The following PPP1R15B variants were observed in gnomAD, a reference collection of about 807,000 sequenced individuals.
PPP1R15B encodes the protein protein phosphatase 1 regulatory subunit 15B.
In PPP1R15B, 31 loss-of-function variants were observed where a neutral mutation model predicts 53.9. The observed-to-expected ratio is 0.58, with a 90% confidence interval of 0.43 to 0.78. The LOEUF (loss-of-function observed/expected upper bound fraction) is 0.78, where lower values mean the gene tolerates loss of function less well. Among genes scored for constraint, PPP1R15B ranks in the 30% least tolerant of loss-of-function variants. PPP1R15B has a pLI of 0.00. For missense variants in PPP1R15B, 928 were observed against 849.6 expected, an observed-to-expected ratio of 1.09 and a Z score of -1.15; for synonymous variants, 345 against 329.1, an observed-to-expected ratio of 1.05 and a Z score of -0.52.
chr1:204,396,383 CAA>C (rs56077006), downstream of PPP1R15B, among the ~76,000 whole-genome samples: 2 of 136,380 alleles, frequency 1.5e-5, no homozygotes, highest in African/African-American at 5.6e-5. Context: ...AAAACAAAAA[CAA>C]AAAAAAAAAA....
rs770876375 is a variant in PPP1R15B at position 204,410,482 on chromosome 1, C to A, written c.930G>T (p.Gly310=). 141 of 1,614,058 alleles carry A rather than the reference C, an allele frequency of 8.7e-5. No individual in the cohort carries two copies. The highest frequency in any genetic ancestry group is 1.2e-4 in the Non-Finnish European group (136 of 1,180,048). The change falls in exon 1 of 2, where the codon GGG becomes GGT. Residue 310 remains glycine, a synonymous_variant. Transcript: ENST00000367188. ...RLEFLQQASK[G]QDLPTPDQDN... is the part of the protein sequence containing the mutation. ...CCTGGTCAGGGGTGGGTAAATCTTG[C>A]CCCTTGCTAGCCTGTTGAAGGAATT...
Position 204,411,546 on chromosome 1 carries a change from A to C in PPP1R15B, c.-135T>G, listed in dbSNP as rs1674380428. ...GCTGCTCCAGGCCGATCTTCGAGCC[A>C]GCAGAAAAGCCACAGAGGGCAGCGA... On this transcript the variant is annotated 5_prime_UTR_variant, in exon 1 of 2. Coordinates refer to ENST00000367188, the MANE Select transcript of PPP1R15B (RefSeq NM_032833.5). 12 of 1,244,816 alleles carry C rather than the reference A, an allele frequency of 9.6e-6. No homozygotes were observed. Among genetic ancestry groups the C allele is most frequent in the Non-Finnish European group, 1.3e-5 (12 of 903,094 alleles). 77.1% of individuals were successfully genotyped at this position (1,244,816 alleles called of 1,614,324 possible). A position where few individuals can be genotyped will look rare whatever the true frequency, so the allele number is the denominator to read the frequency against.
At position 204,405,082 on chromosome 1, in the gene PPP1R15B, T is replaced by G; in HGVS notation, c.*1010A>C. On this transcript the variant is annotated 3_prime_UTR_variant, in exon 2 of 2. Coordinates refer to ENST00000367188, the MANE Select transcript of PPP1R15B (RefSeq NM_032833.5). ...GAACTGCCCATTTCCAATTTTACAG[T>G]GGGATCCTGACAGGTTTTAAAAGTG... 1.0e-6 allele frequency: 1 copy of G among 985,780 alleles called. No individual in the cohort carries two copies. The allele number at this position is 985,780 out of a possible 1,614,324, so 61.1% of individuals were successfully genotyped here.
chr1:204,398,646 G>C (rs541210124), downstream of PPP1R15B, among the ~76,000 whole-genome samples: 22 of 152,278 alleles, frequency 1.4e-4, no homozygotes, highest in East Asian at 3.5e-3. Flanking sequence ...TACACATTGA[G>C]GGACCCACCT....
In PPP1R15B at chr1:204,410,853, G is replaced by C; in HGVS notation, c.559C>G (p.Pro187Ala). The change falls in exon 1 of 2, where the codon CCC becomes GCC. Residue 187 changes from proline to alanine, a missense_variant. Pro to Ala is a conservative substitution (Grantham distance 27, BLOSUM62 -1). Coordinates refer to ENST00000367188, the MANE Select transcript of PPP1R15B (RefSeq NM_032833.5). Reference protein sequence around the residue: ...EQQLWGVELLPSSLQSRLYSN... With the variant: ...EQQLWGVELLASSLQSRLYSN... ...TACAGACGGGATTGAAGGCTACTGG[G>C]CAACAGCTCCACTCCCCACAGCTGC... 1.2e-6 allele frequency: 2 copies of C among 1,614,198 alleles called. No homozygotes were observed. The highest frequency in any genetic ancestry group is 1.7e-6 in the Non-Finnish European group (2 of 1,180,044).
chr1:204,401,872 G>A (rs557778531), downstream of PPP1R15B, among the ~76,000 whole-genome samples: 6 of 152,310 alleles, frequency 3.9e-5, no homozygotes, highest in South Asian at 1.2e-3. Flanking sequence ...TGAGGCTACA[G>A]TGAGCCAAGA....
chr1:204,411,699 G>C lies in PPP1R15B; in HGVS notation c.-288C>G. The C allele has an allele frequency of 2.0e-6, 1 of 512,452 alleles. No homozygotes were observed. Among genetic ancestry groups the C allele is most frequent in the Non-Finnish European group, 3.5e-6 (1 of 287,374 alleles). The allele number at this position is 512,452 out of a possible 1,614,324, so 31.7% of individuals were successfully genotyped here. ...CGACGCTTCAACACCATGGATAGGA[G>C]TCCCCCCACGGCCTCGGCGATGGTT... On this transcript the variant is annotated 5_prime_UTR_variant, in exon 1 of 2. Transcript: ENST00000367188.
rs1307686249 is a variant in PPP1R15B at position 204,409,679 on chromosome 1, G to C, written c.1733C>G (p.Ser578Ter). 8 of 1,614,066 alleles carry C rather than the reference G, an allele frequency of 5.0e-6. No individual in the cohort carries two copies. Among genetic ancestry groups the C allele is most frequent in the Non-Finnish European group, 5.9e-6 (7 of 1,180,016 alleles). ...PLNFKAPFQT[S>*]GENEKGCRDS... The stretch of plus-strand genomic sequence containing the variant: ...ACGACAGCCTTTCTCATTTTCCCCT[G>C]ATGTTTGAAAAGGAGCCTTAAAATT... The change falls in exon 1 of 2, where the codon TCA becomes TGA. Residue 578 changes from serine (S) to a stop codon, truncating the protein, a stop_gained. Coordinates refer to ENST00000367188, the MANE Select transcript of PPP1R15B (RefSeq NM_032833.5). LOFTEE classifies it high-confidence loss of function.
Position 204,404,668 on chromosome 1 carries a change from T to C in PPP1R15B, c.*1424A>G. On this transcript the variant is annotated 3_prime_UTR_variant, in exon 2 of 2. Coordinates refer to ENST00000367188, the MANE Select transcript of PPP1R15B (RefSeq NM_032833.5). ...ATTGTAAACTGAGGTAGTAACCCTG[T>C]AAGCACTTCTGATGAAAAATTCATC... 16 of 985,818 alleles carry C rather than the reference T, an allele frequency of 1.6e-5. No homozygotes were observed. The highest frequency in any genetic ancestry group is 1.9e-5 in the Non-Finnish European group (16 of 829,900). 61.1% of individuals were successfully genotyped at this position (985,818 alleles called of 1,614,324 possible).
At chr1:204,399,352 A>G (rs3014623), downstream of PPP1R15B, among the ~76,000 whole-genome samples, 115,252 of 152,122 alleles carry the variant, frequency 0.76, 44,647 homozygotes, top group Non-Finnish European at 0.85. Context: ...CATGAGCCCA[A>G]GAGTTCGAGA....
Position 204,405,228 on chromosome 1 carries a change from TAAAA to T in PPP1R15B, c.*860_*863del. 6.1e-6 allele frequency: 6 copies of T among 979,892 alleles called. No individual in the cohort carries two copies. Among genetic ancestry groups the T allele is most frequent in the Non-Finnish European group, 7.3e-6 (6 of 824,484 alleles). 60.7% of individuals were successfully genotyped at this position (979,892 alleles called of 1,614,324 possible). A position where few individuals can be genotyped will look rare whatever the true frequency, so the allele number is the denominator to read the frequency against. ...TAGGAAATTTCTAGGCTTTTAAGTT[TAAAA>T]AATAAATGATTATGATGTAATTATT... is the stretch of plus-strand genomic sequence containing the variant. On this transcript the variant is annotated 3_prime_UTR_variant, in exon 2 of 2. Transcript: ENST00000367188.
chr1:204,402,542 G>A (rs111227147), downstream of PPP1R15B, among the ~76,000 whole-genome samples: 16 of 152,032 alleles, frequency 1.1e-4, no homozygotes, highest in African/African-American at 3.4e-4. Context: ...CCAGTAACTG[G>A]GTCTATAGGC....
chr1:204,399,315 C>A (rs1019519852), downstream of PPP1R15B, among the ~76,000 whole-genome samples: 1 of 152,288 alleles, frequency 6.6e-6, no homozygotes, highest in Admixed American at 6.5e-5. Flanking sequence ...ATAATCCCAG[C>A]ATTTTGGGAG....
In PPP1R15B at chr1:204,406,201, T is replaced by C. The variant is rs1325028806; in HGVS notation, c.2033A>G (p.Glu678Gly). ...GCAATATCCAATAGCATCTTCTGTT[T>C]CTTGAATTCGTTTCTGGAACCTGCA... ...DGCRFQKRIQETEDAIGYCLT... is the reference protein window; with the variant it reads ...DGCRFQKRIQGTEDAIGYCLT... Residue 678 changes from glutamate (E) to glycine (G), a missense_variant, in exon 2 of 2, where the codon GAA (glutamate) becomes GGA (glycine). Glu to Gly is a moderately conservative substitution (Grantham distance 98). Transcript: ENST00000367188. 6 of 1,614,190 alleles carry C rather than the reference T, an allele frequency of 3.7e-6. No individual in the cohort carries two copies. The highest frequency in any genetic ancestry group is 4.2e-6 in the Non-Finnish European group (5 of 1,180,026).
In PPP1R15B at chr1:204,404,238, C is replaced by CT; in HGVS notation, c.*1853dup. On this transcript the variant is annotated 3_prime_UTR_variant, in exon 2 of 2. Coordinates refer to ENST00000367188, the MANE Select transcript of PPP1R15B (RefSeq NM_032833.5). ...GCACAAAACACACAGAATCCCAGCA[C>CT]TTTGAGAGGCCGAGGCGGGCGGATC... is the stretch of plus-strand genomic sequence containing the variant. The CT allele has an allele frequency of 4.1e-6, 4 of 984,968 alleles. No homozygotes were observed. Among genetic ancestry groups the CT allele is most frequent in the Non-Finnish European group, 4.8e-6 (4 of 829,608 alleles). The allele number at this position is 984,968 out of a possible 1,614,324, so 61.0% of individuals were successfully genotyped here. A position where few individuals can be genotyped will look rare whatever the true frequency, so the allele number is the denominator to read the frequency against.
chr1:204,396,353 CAAAAAA>C (rs1448025124), downstream of PPP1R15B, among the ~76,000 whole-genome samples: 1 of 60,750 alleles, frequency 1.6e-5, no homozygotes, highest in Non-Finnish European at 3.3e-5. Context: ...ACTAAAAATA[CAAAAAA>C]AAAAAAAAAA....
At chr1:204,406,465 A>G in intron 1 of PPP1R15B, 152 bp from the exon 2 acceptor site, 1 of 1,243,410 alleles carries the variant, frequency 8.0e-7, no homozygotes, top group South Asian at 1.6e-5. Context: ...CTATATTTGA[A>G]GTTAAAAAAA....
Position 204,406,315 on chromosome 1 carries a change from T to C in PPP1R15B, c.1921-2A>G. 1 of 1,613,440 alleles carries C rather than the reference T, an allele frequency of 6.2e-7. No individual in the cohort carries two copies. Among genetic ancestry groups the C allele is most frequent in the Non-Finnish European group, 8.5e-7 (1 of 1,179,636 alleles). On this transcript the variant is annotated splice_acceptor_variant, in intron 1 of 1. Coordinates refer to ENST00000367188, the MANE Select transcript of PPP1R15B (RefSeq NM_032833.5). LOFTEE classifies it high-confidence loss of function. ...AGTAACTTCTTCAAGGAAGGTTACC[T>C]ACAAAAACAAAGACTAATTTTAATA...
chr1:204,410,362 A>G lies in PPP1R15B; in HGVS notation c.1050T>C (p.Ala350=). 1 of 1,614,184 alleles carries G rather than the reference A, an allele frequency of 6.2e-7. No homozygotes were observed. Among genetic ancestry groups the G allele is most frequent in the Non-Finnish European group, 8.5e-7 (1 of 1,180,022 alleles). Residue 350 remains alanine, a synonymous_variant, in exon 1 of 2, where the codon GCT becomes GCC. Coordinates refer to ENST00000367188, the MANE Select transcript of PPP1R15B (RefSeq NM_032833.5). ...RDNPTQFVPA[A]GDIPGNTQES... ...CCTGGGTGTTTCCAGGAATGTCTCC[A>G]GCAGCAGGAACAAACTGTGTTGGGT...
Sources: gnomAD v4.1 joint callset for allele counts (sites outside exome capture counted in the v4.1 genomes callset) on GRCh38, gnomAD v4.1.1 for gene constraint, MANE v1.5 for transcripts, NCBI Gene and HGNC (gene_info 2026-07-23, HGNC 2026-07-21) for gene names.